The following APCDD1L variants were observed in gnomAD, a reference collection of about 807,000 sequenced individuals.
APCDD1L encodes the protein APC down-regulated 1 like, also known as protein APCDD1-like.
APCDD1L carries 21 observed loss-of-function variants against 24.2 expected under a neutral mutation model. The observed-to-expected ratio is 0.87, with a 90% CI of 0.61 to 1.25. APCDD1L has a LOEUF of 1.25. APCDD1L is among the 50% of genes most tolerant of loss of function. The probability of loss-of-function intolerance (pLI) is 0.00; values close to 1 mark genes in which losing one functional copy is unlikely to be tolerated. For missense variants in APCDD1L, 704 were observed against 711.7 expected, an observed-to-expected ratio of 0.99 and a Z score of 0.12; for synonymous variants, 321 against 323.6, an observed-to-expected ratio of 0.99 and a Z score of 0.09.
In APCDD1L at chr20:58,467,030, G is replaced by C; in HGVS notation, c.741+76C>G. 2 of 1,499,690 alleles carry C rather than the reference G, an allele frequency of 1.3e-6. No homozygotes were observed. The highest frequency in any genetic ancestry group is 1.8e-6 in the Non-Finnish European group (2 of 1,129,728). 92.9% of individuals were successfully genotyped at this position (1,499,690 alleles called of 1,614,324 possible). On this transcript the variant is annotated intron_variant, in intron 3 of 3. Transcript: ENST00000371149. The surrounding 1 kb of genome is among the most constrained non-coding windows in gnomAD (Gnocchi z 5.9). ...CCTGGGCAGGCCCAGGTCTTGCAAAGCTGCGGGGCTGGGTTCCGAGCTCGC... is the reference window on the plus strand; with the variant it reads ...CCTGGGCAGGCCCAGGTCTTGCAAACCTGCGGGGCTGGGTTCCGAGCTCGC...
chr20:58,498,850 G>A (rs1009594817), intron 1 of APCDD1L, among the ~76,000 whole-genome samples: 4 of 152,206 alleles, frequency 2.6e-5, no homozygotes, highest in African/African-American at 9.7e-5. Context: ...GCAGCCCCTG[G>A]CACTGCTTTT....
At chr20:58,487,468 T>A (rs987688018) in intron 1 of APCDD1L, among the ~76,000 whole-genome samples, 1 of 147,380 alleles carries the variant, frequency 6.8e-6, no homozygotes, top group Non-Finnish European at 1.5e-5. Flanking sequence ...TTGTGGGAAA[T>A]AAAACATGGT....
intron 3 of APCDD1L, among the ~76,000 whole-genome samples, chr20:58,466,189 C>T (rs528916704): frequency 1.3e-5 from 2 of 150,124 alleles, no homozygotes; most frequent in Non-Finnish European, 2.9e-5. Flanking sequence ...GGACGGTATG[C>T]GTGCAATGGC....
intron 1 of APCDD1L, among the ~76,000 whole-genome samples, chr20:58,503,803 C>T (rs767285560): frequency 1.4e-4 from 22 of 152,226 alleles, no homozygotes; most frequent in Non-Finnish European, 2.8e-4. Context: ...GAAGCAACAT[C>T]TGACTCATGT....
chr20:58,474,313 G>T lies in APCDD1L; in HGVS notation c.50-3566C>A, dbSNP rs1158038562. Among the ~76,000 whole-genome samples the T allele has an allele frequency of 5.3e-5, 8 of 152,328 alleles. No individual in the cohort carries two copies. In the East Asian group the frequency reaches 1.5e-3, roughly 29 times the overall value. On this transcript the variant is annotated intron_variant, in intron 1 of 3. Transcript: ENST00000371149. ...TGATGAGGAAACTGTGGTTCAGAGG[G>T]GTGGAGGGACTTGGCCATTGCCACT...
At chr20:58,512,668 G>C (rs1285536893) in intron 1 of APCDD1L, among the ~76,000 whole-genome samples, 1 of 152,142 alleles carries the variant, frequency 6.6e-6, no homozygotes, top group African/African-American at 2.4e-5. Context: ...GCCCAGCTCA[G>C]GCACCTAAAT....
At position 58,493,904 on chromosome 20, in the gene APCDD1L, C is replaced by T. The variant is rs146020346; in HGVS notation, c.49+20755G>A. The stretch of plus-strand genomic sequence containing the variant: ...AATCTACCGGTAACTTTCAACTCCC[C>T]CAAAACCTAACTATTAATAGTCTAC... On this transcript the variant is annotated intron_variant, in intron 1 of 3. Coordinates refer to ENST00000371149, the MANE Select transcript of APCDD1L (RefSeq NM_153360.3). Among the ~76,000 whole-genome samples, 664 of 152,294 alleles carry T rather than the reference C, an allele frequency of 4.4e-3. 8 individuals carry two copies. The highest frequency in any genetic ancestry group is 0.015 in the African/African-American group (632 of 41,550).
chr20:58,498,008 T>C (rs1990356857), intron 1 of APCDD1L, among the ~76,000 whole-genome samples: 1 of 151,874 alleles, frequency 6.6e-6, no homozygotes. Flanking sequence ...CGAGGAGGGG[T>C]GCGGTGGTGG....
intron 1 of APCDD1L, among the ~76,000 whole-genome samples, chr20:58,488,796 C>T (rs771660299): frequency 4.6e-5 from 7 of 152,000 alleles, no homozygotes; most frequent in African/African-American, 7.3e-5. Context: ...TAAAGATAAC[C>T]GTCCAATTTA....
intron 3 of APCDD1L, among the ~76,000 whole-genome samples, chr20:58,464,931 C>T (rs4811996): frequency 0.15 from 22,690 of 151,710 alleles, 2,136 homozygotes; most frequent in East Asian, 0.26. Flanking sequence ...CATCTGGCAC[C>T]GTTCATCACT....
At chr20:58,493,074 A>C (rs1568747343) in intron 1 of APCDD1L, among the ~76,000 whole-genome samples, 1 of 150,458 alleles carries the variant, frequency 6.6e-6, no homozygotes, top group Non-Finnish European at 1.5e-5. Context: ...CAATGCAAGC[A>C]TGCATACATG....
At chr20:58,504,937 C>T (rs932373257) in intron 1 of APCDD1L, among the ~76,000 whole-genome samples, 2 of 152,178 alleles carry the variant, frequency 1.3e-5, no homozygotes, top group Admixed American at 1.3e-4. Flanking sequence ...CATTTCTAAC[C>T]AGCCTCTCTT....
intron 1 of APCDD1L, among the ~76,000 whole-genome samples, chr20:58,513,328 T>C (rs1354925550): frequency 2.0e-5 from 3 of 152,192 alleles, no homozygotes; most frequent in African/African-American, 7.2e-5. Flanking sequence ...TCTATTTTCA[T>C]GCTGATGATC....
chr20:58,467,221 G>T lies in APCDD1L; in HGVS notation c.626C>A (p.Pro209His). The part of the protein sequence containing the change: ...VRVQRRLQPQ[P>H]RASPRLVEEL... The stretch of plus-strand genomic sequence containing the variant: ...CTCCACCAGCCGGGGCGACGCCCGG[G>T]GCTGCGGCTGCAGGCGGCGCTGCAC... Residue 209 changes from proline (P) to histidine (H), a missense_variant, in exon 3 of 4, where the codon CCC becomes CAC. Coordinates refer to ENST00000371149, the MANE Select transcript of APCDD1L (RefSeq NM_153360.3). The surrounding 1 kb of genome is among the most constrained non-coding windows in gnomAD (Gnocchi z 5.9). 1 of 1,600,582 alleles carries T rather than the reference G, an allele frequency of 6.2e-7. No individual in the cohort carries two copies.
At chr20:58,487,455 A>G (rs1232254766) in intron 1 of APCDD1L, among the ~76,000 whole-genome samples, 1 of 151,886 alleles carries the variant, frequency 6.6e-6, no homozygotes, top group Non-Finnish European at 1.5e-5. Flanking sequence ...TAAAAAGTAT[A>G]GTTTGTGGGA....
chr20:58,477,323 A>G (rs1989929260), intron 1 of APCDD1L, among the ~76,000 whole-genome samples: 1 of 152,188 alleles, frequency 6.6e-6, no homozygotes, highest in Admixed American at 6.5e-5. Context: ...TCAATCTGAG[A>G]CATATCTTCT....
chr20:58,506,768 A>G (rs1379143877), intron 1 of APCDD1L, among the ~76,000 whole-genome samples: 1 of 152,188 alleles, frequency 6.6e-6, no homozygotes, highest in African/African-American at 2.4e-5. Context: ...TTCCCCATTA[A>G]GCCATGTTAT....
intron 1 of APCDD1L, among the ~76,000 whole-genome samples, chr20:58,482,155 A>G (rs1002317639): frequency 4.6e-5 from 7 of 152,212 alleles, no homozygotes; most frequent in African/African-American, 1.7e-4. Flanking sequence ...TTGTATTGAG[A>G]TTAAGTTCGT....
chr20:58,478,458 G>A (rs562416097), intron 1 of APCDD1L, among the ~76,000 whole-genome samples: 40 of 146,532 alleles, frequency 2.7e-4, no homozygotes, highest in Admixed American at 2.6e-3. Context: ...CCCTTCCTCT[G>A]CCTGTGACTC....
Sources: allele counts gnomAD v4.1 joint callset (sites outside exome capture counted in the v4.1 genomes callset), GRCh38; gene constraint gnomAD v4.1.1; non-coding constraint Gnocchi (gnomAD v3.1); transcripts MANE v1.5; gene names NCBI Gene and HGNC (gene_info 2026-07-23, HGNC 2026-07-21).